The following RRM1 variants were observed in gnomAD, a reference collection of about 807,000 sequenced individuals.
RRM1 encodes ribonucleoside-diphosphate reductase large subunit.
A neutral mutation model predicts 101.5 loss-of-function variants in RRM1; 19 were observed. That is an observed-to-expected ratio of 0.19 (90% CI 0.13 to 0.27). The LOEUF (loss-of-function observed/expected upper bound fraction) is 0.27, where lower values mean the gene tolerates loss of function less well. Ranked by LOEUF, RRM1 falls within the 10% of genes least tolerant of loss-of-function variation. The pLI, the probability that RRM1 is intolerant of heterozygous loss-of-function variation, is 1.00. For synonymous variants in RRM1, 298 were observed against 323.4 expected (o/e 0.92, Z 0.84); for missense variants, 500 against 962.9 (o/e 0.52, Z 6.36).
chr11:4,132,182 A>G lies in RRM1; in HGVS notation c.1770-104A>G. The G allele has an allele frequency of 8.7e-7, 1 of 1,145,920 alleles. No homozygotes were observed. The highest frequency in any genetic ancestry group is 1.3e-6 in the Non-Finnish European group (1 of 780,034). 71.0% of individuals were successfully genotyped at this position (1,145,920 alleles called of 1,614,324 possible). On this transcript the variant is annotated intron_variant, in intron 15 of 18. Coordinates refer to ENST00000300738, the MANE Select transcript of RRM1 (RefSeq NM_001033.5). This position sits in a 1 kb window ranked among gnomAD's most constrained non-coding sequence, Gnocchi z 4.1. ...TCAATGCATGTACGATGTTACATTT[A>G]CATTTACTACATTTATCTACATTTA...
chr11:4,104,341 G>A (rs2094555677), intron 2 of RRM1, among the ~76,000 whole-genome samples: 1 of 152,166 alleles, frequency 6.6e-6, no homozygotes, highest in South Asian at 2.1e-4. Context: ...TGTTAAAATA[G>A]TTACACACGT....
intron 6 of RRM1, 81 bp downstream of exon 6, chr11:4,111,721 T>G: frequency 7.5e-7 from 1 of 1,326,278 alleles, no homozygotes; most frequent in East Asian, 2.3e-5. Flanking sequence ...GTCTTAATAT[T>G]CTTGCTTAGA....
intron 7 of RRM1, among the ~76,000 whole-genome samples, chr11:4,115,032 T>G (rs1269726207): frequency 1.3e-5 from 2 of 152,108 alleles, no homozygotes; most frequent in African/African-American, 4.8e-5. Context: ...TTTTAGAAAT[T>G]TCTCTAAAAC....
chr11:4,130,964 AC>A (rs2133320799), intron 15 of RRM1, among the ~76,000 whole-genome samples: 1 of 152,202 alleles, frequency 6.6e-6, no homozygotes, highest in East Asian at 1.9e-4. Flanking sequence ...GTGGAGAACC[AC>A]CCCCCAAAAA....
chr11:4,117,840 G>T (rs1361560598), intron 7 of RRM1, among the ~76,000 whole-genome samples: 2 of 152,232 alleles, frequency 1.3e-5, no homozygotes, highest in African/African-American at 4.8e-5. Context: ...GATCCAAAGT[G>T]AGGTAAAGGG....
At chr11:4,097,453 TTG>T (rs2133282229) in intron 1 of RRM1, among the ~76,000 whole-genome samples, 1 of 151,974 alleles carries the variant, frequency 6.6e-6, no homozygotes, top group East Asian at 1.9e-4. Context: ...TTAGATTTGT[TTG>T]TTTCTTTTTT....
chr11:4,135,894 C>T (rs1387449857), intron 18 of RRM1, among the ~76,000 whole-genome samples: 3 of 150,090 alleles, frequency 2.0e-5, no homozygotes, highest in Admixed American at 6.7e-5. Context: ...TGTGCCAGGA[C>T]TGAGGATACT....
At chr11:4,115,580 G>C (rs2133301154) in intron 7 of RRM1, among the ~76,000 whole-genome samples, 1 of 150,860 alleles carries the variant, frequency 6.6e-6, no homozygotes, top group East Asian at 1.9e-4. Context: ...TTTTGAGATG[G>C]AGTTTCGCTC....
intron 5 of RRM1, among the ~76,000 whole-genome samples, chr11:4,111,251 GA>G (rs1016733953): frequency 5.4e-5 from 8 of 148,488 alleles, no homozygotes; most frequent in African/African-American, 1.5e-4. Context: ...ACTAAAAATA[GA>G]AAAAAAAAAT....
intron 10 of RRM1, 144 bp downstream of exon 10, chr11:4,121,909 T>A: frequency 2.5e-6 from 2 of 795,976 alleles, no homozygotes; most frequent in Non-Finnish European, 3.9e-6. Flanking sequence ...GATGCCGTGC[T>A]TGTCTTCTTA....
At chr11:4,104,753 G>C (rs879896771) in intron 2 of RRM1, among the ~76,000 whole-genome samples, 1 of 152,124 alleles carries the variant, frequency 6.6e-6, no homozygotes, top group Non-Finnish European at 1.5e-5. Context: ...TTTGAACCTC[G>C]GGGGCGGAGG....
rs72555775 is a variant in RRM1 at position 4,109,720 on chromosome 11, A to T, written c.447+17A>T. 1.2e-4 allele frequency: 181 copies of T among 1,566,820 alleles called. No homozygotes were observed. The African/African-American group carries it at 2.3e-3, about 20-fold the overall frequency. ...GGCTTTAAGGTAAATAATGGGTTTC[A>T]AGTATGTGGGAATTTATACTTAAAT... On this transcript the variant is annotated intron_variant, in intron 5 of 18. Transcript: ENST00000300738.
intron 1 of RRM1, among the ~76,000 whole-genome samples, chr11:4,101,563 C>CCG (rs1190624832): frequency 1.0e-4 from 6 of 58,002 alleles, no homozygotes; most frequent in African/African-American, 2.4e-4. Context: ...ATCCACACCC[C>CCG]CCCCCGCTCC....
intron 15 of RRM1, among the ~76,000 whole-genome samples, chr11:4,130,086 A>ATATATATATATATATATTT (rs1202870487): frequency 1.0e-5 from 1 of 99,446 alleles, no homozygotes; most frequent in African/African-American, 5.4e-5. Context: ...ATATATATAT[A>ATATATATATATATATATTT]TTTTTTTTTT....
intron 9 of RRM1, among the ~76,000 whole-genome samples, chr11:4,120,388 T>C (rs1001216893): frequency 2.6e-5 from 4 of 152,080 alleles, no homozygotes; most frequent in African/African-American, 4.8e-5. Flanking sequence ...TTTTTTTTTT[T>C]ATCTCTCTCT....
At chr11:4,101,848 CT>C in intron 1 of RRM1, 144 bp from the exon 2 acceptor site, 1 of 601,192 alleles carries the variant, frequency 1.7e-6, no homozygotes, top group South Asian at 2.1e-5. Flanking sequence ...CTTCATGAAT[CT>C]TTTGAGGGGG....
In RRM1 at chr11:4,107,552, T is replaced by A. The variant is rs758293165; in HGVS notation, c.387+17T>A. The A allele has an allele frequency of 4.1e-5, 63 of 1,535,050 alleles. No homozygotes were observed. The highest frequency in any genetic ancestry group is 5.4e-5 in the Non-Finnish European group (60 of 1,116,490). On this transcript the variant is annotated intron_variant, in intron 4 of 18. Coordinates refer to ENST00000300738, the MANE Select transcript of RRM1 (RefSeq NM_001033.5). The stretch of plus-strand genomic sequence containing the variant: ...AATAAAGATGTATGTATAACACTTA[T>A]CTGGTGGAAATTTTTTGAGAGTCTT...
At chr11:4,124,390 A>C (rs915561101) in intron 12 of RRM1, among the ~76,000 whole-genome samples, 1 of 152,180 alleles carries the variant, frequency 6.6e-6, no homozygotes, top group Non-Finnish European at 1.5e-5. Context: ...AAAAAAGACA[A>C]ATGAAAAGTC....
chr11:4,106,275 G>A, intron 3 of RRM1, 52 bp downstream of exon 3: 1 of 1,426,382 alleles, frequency 7.0e-7, no homozygotes, highest in African/African-American at 1.4e-5. Context: ...AAAGTAATAA[G>A]GGTACTAGAA....
Sources: allele counts gnomAD v4.1 joint callset (sites outside exome capture counted in the v4.1 genomes callset), GRCh38; gene constraint gnomAD v4.1.1; non-coding constraint Gnocchi (gnomAD v3.1); transcripts MANE v1.5; gene names NCBI Gene and HGNC (gene_info 2026-07-23, HGNC 2026-07-21).